The following CR1 variants were observed in gnomAD, a reference collection of about 807,000 sequenced individuals.
CR1 encodes the protein complement C3b/C4b receptor 1 (Knops blood group).
CR1 carries 116 observed loss-of-function variants against 187.3 expected under a neutral mutation model. The ratio of observed to expected loss-of-function variants is 0.62; its 90% confidence interval spans 0.53 to 0.72. The LOEUF is 0.72. CR1 is among the 30% of genes least tolerant of loss of function. The probability of loss-of-function intolerance (pLI) is 0.00; values close to 1 mark genes in which losing one functional copy is unlikely to be tolerated. For missense variants in CR1, 1,731 were observed against 2,110.7 expected (o/e 0.82, Z 3.52); for synonymous variants, 576 against 747.1 (o/e 0.77, Z 3.73).
At chr1:207,605,771 A>G (rs987254832) in intron 35 of CR1, 1 of 152,104 alleles carries the variant, frequency 6.6e-6, no homozygotes, top group East Asian at 1.9e-4. Context: ...AATTGCAGCA[A>G]TTTTTAAGAT....
At chr1:207,610,106 C>T (rs1648647938) in intron 37 of CR1, among the ~76,000 whole-genome samples, 1 of 152,006 alleles carries the variant, frequency 6.6e-6, no homozygotes, top group South Asian at 2.1e-4. Context: ...GGCAAGTGAG[C>T]CATGAGGACC....
At chr1:207,623,126 T>A (rs1662364123) in intron 45 of CR1, 58 bp downstream of exon 45, 1 of 1,255,646 alleles carries the variant, frequency 8.0e-7, no homozygotes, top group Admixed American at 2.4e-5. Flanking sequence ...CTCTTGGAAG[T>A]CAAAAGAAAG....
chr1:207,509,304 C>G (rs1473555648), intron 3 of CR1, among the ~76,000 whole-genome samples: 1 of 152,126 alleles, frequency 6.6e-6, no homozygotes, highest in Non-Finnish European at 1.5e-5. Context: ...CATGGCTTAA[C>G]TTTGTGAATC....
chr1:207,622,051 C>A (rs1662330717), intron 44 of CR1, 55 bp downstream of exon 44: 2 of 1,390,022 alleles, frequency 1.4e-6, no homozygotes, highest in Non-Finnish European at 2.0e-6. Context: ...CAGTAAGTAC[C>A]TACCTATAAT....
In CR1 at chr1:207,506,110, C is replaced by T. The variant is rs746942449; in HGVS notation, c.301+27C>T. The stretch of plus-strand genomic sequence containing the variant: ...TAAGTAACTCTGGAGTGGGAACCCC[C>T]CTGTTAGTCAAACATCTGTAAGATC... On this transcript the variant is annotated intron_variant, in intron 2 of 46. Coordinates refer to ENST00000367049, the MANE Select transcript of CR1 (RefSeq NM_000651.6). 48 of 1,605,744 alleles carry T rather than the reference C, an allele frequency of 3.0e-5. 1 individual carries two copies. Among genetic ancestry groups the T allele is most frequent in the Admixed American group, 2.2e-4 (13 of 58,326 alleles).
chr1:207,611,729 G>A lies in CR1; in HGVS notation c.6348G>A (p.Gln2116=), dbSNP rs768804979. Reference sequence around the variant, plus strand: ...ATGGTGAGCATACCCTAAGCCATCAGGACAACTTTTCACCTGGGCAGGAAG... The same window carrying A: ...ATGGTGAGCATACCCTAAGCCATCAAGACAACTTTTCACCTGGGCAGGAAG... ...ILHGEHTLSH[Q]DNFSPGQEVF... is the part of the protein sequence containing the mutation. Residue 2116 remains glutamine, a synonymous_variant, in exon 38 of 47, where the codon CAG becomes CAA. Coordinates refer to ENST00000367049, the MANE Select transcript of CR1 (RefSeq NM_000651.6). 1 of 1,614,002 alleles carries A rather than the reference G, an allele frequency of 6.2e-7. No homozygotes were observed. Among genetic ancestry groups the A allele is most frequent in the South Asian group, 1.1e-5 (1 of 91,078 alleles).
intron 4 of CR1, among the ~76,000 whole-genome samples, chr1:207,520,841 C>A (rs1448708700): frequency 6.6e-6 from 1 of 151,788 alleles, no homozygotes; most frequent in African/African-American, 2.4e-5. Flanking sequence ...AGGTTATTGT[C>A]CATGTTTCCT....
intron 34 of CR1, among the ~76,000 whole-genome samples, chr1:207,587,859 C>G (rs1661159251): frequency 6.6e-6 from 1 of 152,244 alleles, no homozygotes; most frequent in Non-Finnish European, 1.5e-5. Flanking sequence ...TACATCACCC[C>G]TTCTTCTTGC....
rs1211261915 is a variant in CR1, at chr1:207,587,368, T to G, written c.5531-18T>G. 1.4e-5 allele frequency: 23 copies of G among 1,597,680 alleles called. No homozygotes were observed. The highest frequency in any genetic ancestry group is 1.0e-4 in the Admixed American group (6 of 57,876). On this transcript the variant is annotated intron_variant, in intron 33 of 46. Coordinates refer to ENST00000367049, the MANE Select transcript of CR1 (RefSeq NM_000651.6). ...GTCTCTCTGCTAACTTTGATATTCCTGTGGTTTTTCTCTCCAGGTCACTGT... is the reference window on the plus strand; with the variant it reads ...GTCTCTCTGCTAACTTTGATATTCCGGTGGTTTTTCTCTCCAGGTCACTGT...
chr1:207,507,545 AC>A (rs904104971), intron 3 of CR1: 1 of 152,120 alleles, frequency 6.6e-6, no homozygotes, highest in Non-Finnish European at 1.5e-5. Context: ...CACACTAACG[AC>A]CTCATCTTAA....
chr1:207,611,629 G>A (rs370040149), intron 37 of CR1, 48 bp from the exon 38 acceptor site: 2 of 1,605,406 alleles, frequency 1.2e-6, no homozygotes, highest in African/African-American at 2.7e-5. Flanking sequence ...TATAACAAAG[G>A]AAATTGCCCC....
intron 4 of CR1, among the ~76,000 whole-genome samples, chr1:207,517,215 T>A (rs1250800332): frequency 6.6e-6 from 1 of 152,146 alleles, no homozygotes; most frequent in African/African-American, 2.4e-5. Flanking sequence ...AAACGCTGAA[T>A]TCCTAGAATA....
intron 36 of CR1, 103 bp from the exon 37 acceptor site, chr1:207,609,187 A>C (rs376512761): frequency 2.2e-5 from 25 of 1,158,602 alleles, no homozygotes; most frequent in Middle Eastern, 5.8e-4. Context: ...TTGTAATTCC[A>C]TTTAGAAAAT....
chr1:207,599,634 G>T (rs1165395946), intron 35 of CR1, among the ~76,000 whole-genome samples: 1 of 152,216 alleles, frequency 6.6e-6, no homozygotes, highest in African/African-American at 2.4e-5. Context: ...CTATTTTGCA[G>T]CAATCAAGAA....
At chr1:207,623,835 G>T (rs1662397776) in intron 45 of CR1, among the ~76,000 whole-genome samples, 1 of 151,274 alleles carries the variant, frequency 6.6e-6, no homozygotes, top group Admixed American at 6.6e-5. Context: ...GCACACATAG[G>T]CTGCCAGTGG....
intron 1 of CR1, among the ~76,000 whole-genome samples, chr1:207,500,589 C>T (rs1329757598): frequency 6.6e-6 from 1 of 152,120 alleles, no homozygotes; most frequent in Non-Finnish European, 1.5e-5. Flanking sequence ...CAATACATAC[C>T]CACTAGAATG....
intron 41 of CR1, among the ~76,000 whole-genome samples, chr1:207,617,507 A>ATATATATATATGTGTGTG (rs1332301171): frequency 8.5e-5 from 4 of 47,030 alleles, no homozygotes; most frequent in Admixed American, 3.0e-4. Flanking sequence ...ATATATATAT[A>ATATATATATATGTGTGTG]TGTGTGTGTG....
chr1:207,597,143 AAC>A (rs1389121946), intron 35 of CR1, among the ~76,000 whole-genome samples: 1 of 151,300 alleles, frequency 6.6e-6, no homozygotes, highest in African/African-American at 2.4e-5. Context: ...CAAAAAAAAA[AAC>A]AAACTCCATT....
chr1:207,617,711 C>A lies in CR1; in HGVS notation c.6890-360C>A, dbSNP rs1388397163. Reference sequence around the variant, plus strand: ...TCATTCCTTTGATATATTAGTCTGGCTTTAAACGACAGTACCTGACAACTG... The same window carrying A: ...TCATTCCTTTGATATATTAGTCTGGATTTAAACGACAGTACCTGACAACTG... On this transcript the variant is annotated intron_variant, in intron 41 of 46. Coordinates refer to ENST00000367049, the MANE Select transcript of CR1 (RefSeq NM_000651.6). 2.1e-5 allele frequency among the ~76,000 whole-genome samples: 3 copies of A among 146,012 alleles called. No individual in the cohort carries two copies. In the Admixed American group the frequency reaches 2.1e-4, roughly 10 times the overall value.
Sources: gnomAD v4.1 joint callset for allele counts (sites outside exome capture counted in the v4.1 genomes callset) on GRCh38, gnomAD v4.1.1 for gene constraint, MANE v1.5 for transcripts, NCBI Gene and HGNC (gene_info 2026-07-23, HGNC 2026-07-21) for gene names.